Variants in CPT1C observed in about 807,000 individuals in gnomAD.
CPT1C encodes the protein palmitoyl thioesterase CPT1C.
CPT1C carries 61 observed loss-of-function variants against 97.3 expected under a neutral mutation model. The ratio of observed to expected loss-of-function variants is 0.63; its 90% CI spans 0.51 to 0.78. The LOEUF (loss-of-function observed/expected upper bound fraction) is 0.78. CPT1C is among the 30% of genes least tolerant of loss of function. The pLI, the probability that CPT1C is intolerant of heterozygous loss-of-function variation, is 0.00. For synonymous variants in CPT1C, 469 were observed against 447.2 expected, an observed-to-expected ratio of 1.05 and a Z score of -0.61; for missense variants, 975 against 1,065.5, an observed-to-expected ratio of 0.92 and a Z score of 1.18.
chr19:49,693,624 T>C (rs1404985671), intron 3 of CPT1C, among the ~76,000 whole-genome samples: 1 of 152,096 alleles, frequency 6.6e-6, no homozygotes, highest in South Asian at 2.1e-4. Context: ...ACAGCAGATA[T>C]CAACAGACAG....
rs771556415 is a variant in CPT1C, at chr19:49,713,020, A to G, written c.2182A>G (p.Met728Val). ...TTCTTATATCTTCATGGGGGATGGC[A>G]TGATCACCTTCCACATCTCCAGCAA... ...GVSYIFMGDG[M>V]ITFHISSKKS... Residue 728 changes from methionine (M) to valine (V), a missense_variant, in exon 19 of 20, where the codon ATG (methionine) becomes GTG (valine). Met to Val is a conservative substitution (Grantham distance 21). Coordinates refer to ENST00000598293, the MANE Select transcript of CPT1C (RefSeq NM_001199753.2). 2 of 1,614,076 alleles carry G rather than the reference A, an allele frequency of 1.2e-6. No individual in the cohort carries two copies. Among genetic ancestry groups the G allele is most frequent in the East Asian group, 2.2e-5 (1 of 44,866 alleles).
chr19:49,698,154 C>T (rs538561634), intron 4 of CPT1C, among the ~76,000 whole-genome samples: 21 of 151,890 alleles, frequency 1.4e-4, no homozygotes, highest in African/African-American at 4.6e-4. Flanking sequence ...CACTTGAGCC[C>T]AGGAGTTTGA....
chr19:49,690,884 T>G, upstream of CPT1C: 1 of 170,338 alleles, frequency 5.9e-6, no homozygotes, highest in East Asian at 1.7e-4. This position sits in a 1 kb window ranked among gnomAD's most constrained non-coding sequence, Gnocchi z 4.4. Flanking sequence ...CTGAGCCTTG[T>G]TCCTCGAAGA....
rs2083503155 is a variant in CPT1C, at chr19:49,706,409, G to A, written c.1339G>A (p.Asp447Asn). Residue 447 changes from aspartate to asparagine, a missense_variant, in exon 12 of 20, where the codon GAT (aspartate) becomes AAT (asparagine). Transcript: ENST00000598293. The surrounding 1 kb of genome is among the most constrained non-coding windows in gnomAD (Gnocchi z 4.8). ...AHALLAGRGHDRWFDKSFTLI... is the reference protein window; with the variant it reads ...AHALLAGRGHNRWFDKSFTLI... Reference sequence around the variant, plus strand: ...TGCTCTGCTGGCCGGCCGGGGCCATGATCGGTGAGTGAGTCTTGGGATGGG... The same window carrying A: ...TGCTCTGCTGGCCGGCCGGGGCCATAATCGGTGAGTGAGTCTTGGGATGGG... 2 of 1,481,430 alleles carry A rather than the reference G, an allele frequency of 1.4e-6. No individual in the cohort carries two copies. The highest frequency in any genetic ancestry group is 1.8e-6 in the Non-Finnish European group (2 of 1,124,388). The allele number at this position is 1,481,430 out of a possible 1,614,324, so 91.8% of individuals were successfully genotyped here. A position where few individuals can be genotyped will look rare whatever the true frequency, so the allele number is the denominator to read the frequency against.
chr19:49,693,662 G>A (rs2082477985), intron 3 of CPT1C, among the ~76,000 whole-genome samples: 1 of 152,060 alleles, frequency 6.6e-6, no homozygotes, highest in Non-Finnish European at 1.5e-5. Context: ...GCGGGCTCAC[G>A]GCTTTAATCC....
intron 10 of CPT1C, 86 bp from the exon 11 acceptor site, chr19:49,705,823 G>T: frequency 8.1e-7 from 1 of 1,241,370 alleles, no homozygotes; most frequent in South Asian, 1.4e-5. Flanking sequence ...AACAACTGAC[G>T]ACACCTAAGA....
intron 13 of CPT1C, 23 bp downstream of exon 13, chr19:49,707,646 G>A (rs1284965394): frequency 6.6e-7 from 1 of 1,522,812 alleles, no homozygotes; most frequent in Admixed American, 1.8e-5. Flanking sequence ...GCCCTCCCTG[G>A]TTCTGGGGAC....
chr19:49,701,496 G>C lies in CPT1C; in HGVS notation c.556-1G>C, dbSNP rs753810516. On this transcript the variant is annotated splice_acceptor_variant, in intron 6 of 19. Coordinates refer to ENST00000598293, the MANE Select transcript of CPT1C (RefSeq NM_001199753.2). LOFTEE classifies it high-confidence loss of function. ...GTGACCTGCCCTCTTCTCCCCTTTA[G>C]TACCTGGAGTCGGTCCGGCCCATCC... 1 of 1,605,844 alleles carries C rather than the reference G, an allele frequency of 6.2e-7. No individual in the cohort carries two copies. Among genetic ancestry groups the C allele is most frequent in the South Asian group, 1.1e-5 (1 of 90,692 alleles).
intron 13 of CPT1C, among the ~76,000 whole-genome samples, chr19:49,708,520 G>A (rs1181371772): frequency 6.6e-6 from 1 of 151,994 alleles, no homozygotes; most frequent in African/African-American, 2.4e-5. Flanking sequence ...AAGAAAATAA[G>A]GACAGTAAAC....
chr19:49,694,520 C>T (rs553943706), intron 3 of CPT1C, among the ~76,000 whole-genome samples: 1 of 150,756 alleles, frequency 6.6e-6, no homozygotes, highest in South Asian at 2.1e-4. Context: ...TCACAGCTAC[C>T]TGGGAGGCTG....
intron 12 of CPT1C, among the ~76,000 whole-genome samples, 166 bp from the exon 13 acceptor site, chr19:49,707,350 TCC>T (rs1445760654): frequency 7.9e-5 from 12 of 152,056 alleles, no homozygotes; most frequent in Non-Finnish European, 1.8e-4. Context: ...CTTGGAGACC[TCC>T]AGGGCCACTA....
At chr19:49,698,586 C>A (rs1055449701) in intron 4 of CPT1C, among the ~76,000 whole-genome samples, 5 of 151,810 alleles carry the variant, frequency 3.3e-5, no homozygotes, top group South Asian at 2.1e-4. Context: ...TCACTTGAAC[C>A]CGGGAGGCGG....
At position 49,692,481 on chromosome 19, in the gene CPT1C, G is replaced by A. The variant is rs1037220007; in HGVS notation, c.141+88G>A. ...AGGCTCACTTCCGGCATTTCAGCTG[G>A]TTCATTTCTGGGAGACTATCACCCC... On this transcript the variant is annotated intron_variant, in intron 3 of 19. Coordinates refer to ENST00000598293, the MANE Select transcript of CPT1C (RefSeq NM_001199753.2). 35 of 1,506,552 alleles carry A rather than the reference G, an allele frequency of 2.3e-5. No homozygotes were observed. The East Asian group carries it at 7.5e-4, about 32-fold the overall frequency. The allele number at this position is 1,506,552 out of a possible 1,614,324, so 93.3% of individuals were successfully genotyped here.
At position 49,708,802 on chromosome 19, in the gene CPT1C, C is replaced by T. The variant is rs781152018; in HGVS notation, c.1529C>T (p.Pro510Leu). The change falls in exon 14 of 20, where the codon CCC (proline) becomes CTC (leucine). Residue 510 changes from proline to leucine, a missense_variant. By Grantham distance (98) the Pro-to-Leu change is moderately conservative. Coordinates refer to ENST00000598293, the MANE Select transcript of CPT1C (RefSeq NM_001199753.2). The stretch of plus-strand genomic sequence containing the variant: ...AAGGGGCACCCGGACCCCACACTAC[C>T]CCAGCCCCAGCGGCTGCAATGGGAC... ...HCKGHPDPTL[P>L]QPQRLQWDLP... 3 of 1,613,862 alleles carry T rather than the reference C, an allele frequency of 1.9e-6. No individual in the cohort carries two copies. Among genetic ancestry groups the T allele is most frequent in the South Asian group, 1.1e-5 (1 of 91,082 alleles).
intron 8 of CPT1C, 98 bp downstream of exon 8, chr19:49,704,885 C>A: frequency 7.1e-7 from 1 of 1,415,620 alleles, no homozygotes; most frequent in Non-Finnish European, 1.0e-6. Context: ...TGGATCTAGA[C>A]GCGCCATCTG....
chr19:49,703,561 TCTC>T (rs1340844121), intron 7 of CPT1C, among the ~76,000 whole-genome samples: 1 of 80,504 alleles, frequency 1.2e-5, no homozygotes, highest in African/African-American at 6.5e-5. Context: ...TCTGTCTCTC[TCTC>T]CTCCCTCCCT....
rs1189138175 is a variant in CPT1C at position 49,704,946 on chromosome 19, T to C, written c.772-61T>C. The stretch of plus-strand genomic sequence containing the variant: ...GGGTCAGGACCTGTATTTGGGTCAG[T>C]GGCTCCATCGGGGGCAAACCTGACC... On this transcript the variant is annotated intron_variant, in intron 8 of 19. Transcript: ENST00000598293. 2.0e-6 allele frequency: 3 copies of C among 1,467,774 alleles called. No homozygotes were observed. In the East Asian group the frequency reaches 6.8e-5, roughly 33 times the overall value. 90.9% of individuals were successfully genotyped at this position (1,467,774 alleles called of 1,614,324 possible).
intron 16 of CPT1C, chr19:49,711,437 C>T (rs1483742515): frequency 5.2e-5 from 11 of 210,702 alleles, no homozygotes; most frequent in African/African-American, 1.8e-4. Context: ...TAACTCTGCC[C>T]ATTTAACCTC....
chr19:49,711,260 A>ATTTTTTTTTTT (rs34561432), intron 16 of CPT1C: 1 of 135,338 alleles, frequency 7.4e-6, no homozygotes, highest in African/African-American at 2.8e-5. Context: ...TGCCCAGCTA[A>ATTTTTTTTTTT]TTTTTTTTTT....
Sources: gnomAD v4.1 joint callset for allele counts (sites outside exome capture counted in the v4.1 genomes callset) on GRCh38, gnomAD v4.1.1 for gene constraint, Gnocchi (gnomAD v3.1) non-coding constraint, MANE v1.5 for transcripts, NCBI Gene and HGNC (gene_info 2026-07-23, HGNC 2026-07-21) for gene names.